Variants in ILRUN observed in about 807,000 individuals in gnomAD.
ILRUN encodes the protein inflammation and lipid regulator with UBA-like and NBR1-like domains, also known as protein ILRUN.
A neutral mutation model predicts 33.8 loss-of-function variants in ILRUN; 3 were observed. The observed-to-expected ratio is 0.09, with a 90% CI of 0.04 to 0.23. ILRUN has a LOEUF of 0.23. Ranked by LOEUF, ILRUN falls within the 10% of genes least tolerant of loss-of-function variation. ILRUN has a pLI of 1.00. For missense variants in ILRUN, 210 were observed against 375.1 expected (o/e 0.56, Z 3.64); for synonymous variants, 124 against 138.9 (o/e 0.89, Z 0.75).
At chr6:34,631,794 T>G (rs1449598645) in intron 3 of ILRUN, among the ~76,000 whole-genome samples, 1 of 152,166 alleles carries the variant, frequency 6.6e-6, no homozygotes, top group African/African-American at 2.4e-5. Flanking sequence ...TTTGGGGTTA[T>G]AAAATACATT....
At chr6:34,607,974 T>G (rs1418537023) in intron 3 of ILRUN, among the ~76,000 whole-genome samples, 2 of 151,986 alleles carry the variant, frequency 1.3e-5, no homozygotes, top group Non-Finnish European at 1.5e-5. Flanking sequence ...TCGCCTGTAG[T>G]CCCAGCTACT....
chr6:34,588,417 C>T lies in ILRUN; in HGVS notation c.*2148G>A. 2.5e-6 allele frequency: 1 copy of T among 395,208 alleles called. No homozygotes were observed. Among genetic ancestry groups the T allele is most frequent in the South Asian group, 1.4e-4 (1 of 7,002 alleles). The allele number at this position is 395,208 out of a possible 1,614,324, so 24.5% of individuals were successfully genotyped here. ...AGTCAGGAAAGCAGGGGTTGTGAAGCCTCCCACAATCCTGCCAGGGACAGT... is the reference window on the plus strand; with the variant it reads ...AGTCAGGAAAGCAGGGGTTGTGAAGTCTCCCACAATCCTGCCAGGGACAGT... On this transcript the variant is annotated 3_prime_UTR_variant, in exon 5 of 5. Coordinates refer to ENST00000374023, the MANE Select transcript of ILRUN (RefSeq NM_024294.4).
chr6:34,651,089 C>T (rs1212895319), intron 2 of ILRUN, among the ~76,000 whole-genome samples: 1 of 152,136 alleles, frequency 6.6e-6, no homozygotes, highest in African/African-American at 2.4e-5. Context: ...CTTCCTCTCT[C>T]AAATAACATG....
rs1454554781 is a variant in ILRUN at position 34,592,171 on chromosome 6, CAGG to C, written c.862-1574_862-1572del. ...ATCACTAAACTAAACAAAAAATCCT[CAGG>C]AGATGATTTGGGGAATGGACAGGCC... On this transcript the variant is annotated intron_variant, in intron 4 of 4. Transcript: ENST00000374023. This position sits in a 1 kb window ranked among gnomAD's most constrained non-coding sequence, Gnocchi z 4.0. Among the ~76,000 whole-genome samples the C allele has an allele frequency of 1.3e-5, 2 of 152,196 alleles. No homozygotes were observed. The highest frequency in any genetic ancestry group is 2.9e-5 in the Non-Finnish European group (2 of 68,048).
chr6:34,642,254 A>T (rs1337980083), intron 3 of ILRUN, among the ~76,000 whole-genome samples: 1 of 152,230 alleles, frequency 6.6e-6, no homozygotes, highest in African/African-American at 2.4e-5. Flanking sequence ...GAAACAATTA[A>T]TCTTGTGTAT....
chr6:34,666,907 A>G (rs1484591027), intron 1 of ILRUN, among the ~76,000 whole-genome samples: 1 of 152,190 alleles, frequency 6.6e-6, no homozygotes. Context: ...TCATCCAACT[A>G]TGGCATTTCT....
intron 4 of ILRUN, among the ~76,000 whole-genome samples, chr6:34,595,185 T>C (rs186152883): frequency 5.3e-5 from 8 of 152,374 alleles, no homozygotes; most frequent in East Asian, 1.9e-4. Context: ...TCATTTATAG[T>C]TGTGTCTGTC....
At chr6:34,661,798 G>C (rs991410655) in intron 1 of ILRUN, among the ~76,000 whole-genome samples, 1 of 152,044 alleles carries the variant, frequency 6.6e-6, no homozygotes, top group Admixed American at 6.6e-5. Context: ...GGCTTCTAGG[G>C]AGAGTTTGAA....
In ILRUN at chr6:34,609,445, G is replaced by A. The variant is rs571672385; in HGVS notation, c.512-2541C>T. ...GCGGAGGTTGTAGTGAGCTGAGATC[G>A]TGCCCCTGCACTCCAGCCTGGATGA... On this transcript the variant is annotated intron_variant, in intron 3 of 4. Coordinates refer to ENST00000374023, the MANE Select transcript of ILRUN (RefSeq NM_024294.4). 7.2e-5 allele frequency among the ~76,000 whole-genome samples: 11 copies of A among 152,090 alleles called. No individual in the cohort carries two copies. The South Asian group carries it at 1.7e-3, about 23-fold the overall frequency.
chr6:34,666,165 A>G (rs1228843159), intron 1 of ILRUN, among the ~76,000 whole-genome samples: 1 of 152,264 alleles, frequency 6.6e-6, no homozygotes, highest in Non-Finnish European at 1.5e-5. Flanking sequence ...GCCACATGGC[A>G]TTTAAACTCT....
chr6:34,677,459 CTATAA>C (rs1361058893), intron 1 of ILRUN, among the ~76,000 whole-genome samples: 6 of 152,020 alleles, frequency 3.9e-5, no homozygotes, highest in South Asian at 4.2e-4. Flanking sequence ...GGAAAGATAA[CTATAA>C]TATATTTAAG....
intron 3 of ILRUN, among the ~76,000 whole-genome samples, chr6:34,626,537 C>T (rs2127345558): frequency 6.6e-6 from 1 of 152,308 alleles, no homozygotes; most frequent in African/African-American, 2.4e-5. Context: ...ATTTCCCCCA[C>T]ATATGCACAA....
At chr6:34,683,522 A>C (rs796436604) in intron 1 of ILRUN, among the ~76,000 whole-genome samples, 1 of 89,436 alleles carries the variant, frequency 1.1e-5, no homozygotes, top group East Asian at 2.9e-4. Flanking sequence ...ATACATATAT[A>C]TATATACATA....
intron 1 of ILRUN, among the ~76,000 whole-genome samples, chr6:34,688,035 ACCAAC>A (rs1225296874): frequency 6.6e-6 from 1 of 152,140 alleles, no homozygotes; most frequent in African/African-American, 2.4e-5. Flanking sequence ...CCAAATGTCT[ACCAAC>A]GAATGAACAG....
chr6:34,688,570 T>C (rs1288616566), intron 1 of ILRUN, among the ~76,000 whole-genome samples: 1 of 152,106 alleles, frequency 6.6e-6, no homozygotes, highest in Non-Finnish European at 1.5e-5. Flanking sequence ...CCCAGCACTT[T>C]GGGAGGCCAA....
intron 1 of ILRUN, among the ~76,000 whole-genome samples, chr6:34,676,456 ATAGC>A (rs1221298812): frequency 1.3e-5 from 2 of 151,100 alleles, no homozygotes; most frequent in Admixed American, 6.6e-5. Flanking sequence ...ATAGATAGAT[ATAGC>A]TAGCTAGCTA....
At chr6:34,633,790 G>C (rs978104556) in intron 3 of ILRUN, among the ~76,000 whole-genome samples, 4 of 150,050 alleles carry the variant, frequency 2.7e-5, no homozygotes, top group African/African-American at 9.8e-5. Flanking sequence ...AAATGGAAAG[G>C]GAAAGAAAAG....
chr6:34,631,717 T>G (rs976109980), intron 3 of ILRUN, among the ~76,000 whole-genome samples: 1 of 152,074 alleles, frequency 6.6e-6, no homozygotes, highest in African/African-American at 2.4e-5. Flanking sequence ...GAAAGAACAT[T>G]AGTGGCTGCC....
intron 3 of ILRUN, among the ~76,000 whole-genome samples, chr6:34,609,941 G>A (rs542143823): frequency 7.8e-4 from 118 of 152,128 alleles, no homozygotes; most frequent in African/African-American, 2.7e-3. Flanking sequence ...GGTGGATCAC[G>A]AGGTCAGGAG....
Sources: allele counts gnomAD v4.1 joint callset (sites outside exome capture counted in the v4.1 genomes callset), GRCh38; gene constraint gnomAD v4.1.1; non-coding constraint Gnocchi (gnomAD v3.1); transcripts MANE v1.5; gene names NCBI Gene and HGNC (gene_info 2026-07-23, HGNC 2026-07-21).